Variants in FMN1 observed in about 807,000 individuals in gnomAD.
FMN1 encodes formin 1.
A neutral mutation model predicts 132.4 loss-of-function variants in FMN1; 110 were observed. The observed-to-expected ratio is 0.83, with a 90% CI of 0.71 to 0.97. FMN1 has a LOEUF of 0.97. FMN1 is among the 50% of genes least tolerant of loss of function. The pLI, the probability that FMN1 is intolerant of heterozygous loss-of-function variation, is 0.00. For synonymous variants in FMN1, 722 were observed against 651.7 expected (o/e 1.11, Z -1.64); for missense variants, 1,792 against 1,705.3 (o/e 1.05, Z -0.90).
chr15:33,074,532 T>C (rs1288517427), intron 5 of FMN1, among the ~76,000 whole-genome samples: 1 of 152,212 alleles, frequency 6.6e-6, no homozygotes, highest in Non-Finnish European at 1.5e-5. Flanking sequence ...GAGTAAAATA[T>C]TTATAAGACT....
intron 9 of FMN1, among the ~76,000 whole-genome samples, chr15:32,949,970 C>CATATATATAT (rs370244413): frequency 9.2e-4 from 8 of 8,734 alleles, no homozygotes; most frequent in Non-Finnish European, 1.8e-3. Context: ...TATATACACA[C>CATATATATAT]ATATATATAC....
chr15:33,190,270 T>A (rs1966028785), intron 2 of FMN1, among the ~76,000 whole-genome samples: 1 of 152,216 alleles, frequency 6.6e-6, no homozygotes, highest in Admixed American at 6.5e-5. Context: ...CTTGAAACTC[T>A]AAAGAAGAGA....
chr15:32,902,775 C>CAA (rs1310132458), intron 12 of FMN1, among the ~76,000 whole-genome samples: 2 of 152,128 alleles, frequency 1.3e-5, no homozygotes, highest in African/African-American at 2.4e-5. Context: ...GTTCCCTTTG[C>CAA]AAAACTAAGT....
intron 17 of FMN1, among the ~76,000 whole-genome samples, chr15:32,814,760 G>A (rs2057999062): frequency 6.6e-6 from 1 of 152,084 alleles, no homozygotes. Context: ...TGAAAGGCAT[G>A]GACTACGGCC....
chr15:33,091,446 A>G (rs779931870), intron 4 of FMN1, among the ~76,000 whole-genome samples: 4 of 152,222 alleles, frequency 2.6e-5, no homozygotes, highest in Admixed American at 6.5e-5. Context: ...TTTTAGTTTT[A>G]AAGAGTTAAT....
intron 3 of FMN1, among the ~76,000 whole-genome samples, chr15:33,178,005 T>C (rs997116736): frequency 6.6e-6 from 1 of 151,864 alleles, no homozygotes; most frequent in Non-Finnish European, 1.5e-5. Flanking sequence ...CGAAACTCTG[T>C]CTCAAAAAAG....
intron 18 of FMN1, among the ~76,000 whole-genome samples, chr15:32,803,922 C>CA (rs1052865987): frequency 6.6e-6 from 1 of 152,172 alleles, no homozygotes; most frequent in Non-Finnish European, 1.5e-5. Flanking sequence ...CTCCAGCTTC[C>CA]AAGTGAAGCT....
At chr15:32,844,692 T>C (rs887287552) in intron 17 of FMN1, among the ~76,000 whole-genome samples, 1 of 152,232 alleles carries the variant, frequency 6.6e-6, no homozygotes, top group Non-Finnish European at 1.5e-5. Flanking sequence ...TAACTTTCCT[T>C]CTAAAATTAT....
intron 3 of FMN1, among the ~76,000 whole-genome samples, chr15:33,164,381 G>A (rs891331900): frequency 4.6e-5 from 7 of 152,158 alleles, no homozygotes; most frequent in African/African-American, 1.7e-4. Flanking sequence ...AAAATGTAGA[G>A]GACAAATTTC....
Position 32,843,888 on chromosome 15 carries a change from G to A in FMN1, c.3928+13127C>T, listed in dbSNP as rs905938983. Reference sequence around the variant, plus strand: ...AAAAGCACATGAACTAACTAACATCGCATATTTCCTTAACGAGAAGACCAG... The same window carrying A: ...AAAAGCACATGAACTAACTAACATCACATATTTCCTTAACGAGAAGACCAG... On this transcript the variant is annotated intron_variant, in intron 17 of 20. Transcript: ENST00000616417. Among the ~76,000 whole-genome samples the A allele has an allele frequency of 3.3e-5, 5 of 152,218 alleles. No homozygotes were observed. The East Asian group carries it at 7.7e-4, about 23-fold the overall frequency.
At chr15:32,963,467 C>T (rs960458890) in intron 9 of FMN1, among the ~76,000 whole-genome samples, 1 of 150,674 alleles carries the variant, frequency 6.6e-6, no homozygotes, top group African/African-American at 2.4e-5. Flanking sequence ...GCACATTGTG[C>T]ACATGTACCC....
At chr15:32,948,188 A>G (rs1432509483) in intron 9 of FMN1, among the ~76,000 whole-genome samples, 1 of 152,006 alleles carries the variant, frequency 6.6e-6, no homozygotes, top group African/African-American at 2.4e-5. Flanking sequence ...TTTCAATTAT[A>G]TAGTTCCCCC....
intron 17 of FMN1, among the ~76,000 whole-genome samples, chr15:32,841,532 C>T (rs2058745526): frequency 6.6e-6 from 1 of 152,116 alleles, no homozygotes; most frequent in Non-Finnish European, 1.5e-5. Flanking sequence ...TCCATCACTC[C>T]ATCTCAGAAG....
chr15:32,908,049 G>C (rs1259157229), intron 12 of FMN1: 1 of 160,848 alleles, frequency 6.2e-6, no homozygotes, highest in African/African-American at 2.4e-5. Context: ...AGGTGGAGAA[G>C]TTTGGGGAAA....
intron 9 of FMN1, among the ~76,000 whole-genome samples, chr15:32,945,094 T>A: frequency 6.6e-6 from 1 of 152,162 alleles, no homozygotes; most frequent in East Asian, 1.9e-4. Context: ...GGGGCTGATA[T>A]TTTTATATTT....
chr15:33,077,599 G>A (rs1179125836), intron 5 of FMN1, among the ~76,000 whole-genome samples: 2 of 151,624 alleles, frequency 1.3e-5, no homozygotes, highest in East Asian at 3.9e-4. Flanking sequence ...CCATCCATGA[G>A]TGGGAACATG....
intron 4 of FMN1, among the ~76,000 whole-genome samples, chr15:33,126,059 G>A (rs1249781956): frequency 3.3e-5 from 5 of 152,152 alleles, no homozygotes; most frequent in Non-Finnish European, 7.3e-5. Flanking sequence ...AACAGATAAG[G>A]TGGATGAAAG....
chr15:32,922,814 C>T (rs1177334412), intron 10 of FMN1, among the ~76,000 whole-genome samples: 2 of 152,178 alleles, frequency 1.3e-5, no homozygotes, highest in African/African-American at 4.8e-5. Context: ...GAATCACGTA[C>T]TGTATTTTGT....
chr15:32,992,805 T>A (rs955789174), intron 7 of FMN1, among the ~76,000 whole-genome samples: 4 of 152,108 alleles, frequency 2.6e-5, no homozygotes, highest in African/African-American at 9.7e-5. Context: ...ACCATAACAA[T>A]CAATAGTGGG....
Sources: allele counts gnomAD v4.1 joint callset (sites outside exome capture counted in the v4.1 genomes callset), GRCh38; gene constraint gnomAD v4.1.1; transcripts MANE v1.5; gene names NCBI Gene and HGNC (gene_info 2026-07-23, HGNC 2026-07-21).